The following SVOPL variants were observed in gnomAD, a reference collection of about 807,000 sequenced individuals.
SVOPL encodes the protein SVOP like, also known as putative transporter SVOPL.
In SVOPL, 60 loss-of-function variants were observed where a neutral mutation model predicts 61.0. The observed-to-expected ratio is 0.98, with a 90% confidence interval of 0.80 to 1.22. SVOPL has a LOEUF of 1.22. SVOPL is among the 50% of genes most tolerant of loss of function. The pLI, the probability that SVOPL is intolerant of heterozygous loss-of-function variation, is 0.00. For missense variants in SVOPL, 662 were observed against 643.9 expected (o/e 1.03, Z -0.30); for synonymous variants, 279 against 250.0 (o/e 1.12, Z -1.09).
intron 14 of SVOPL, among the ~76,000 whole-genome samples, chr7:138,600,363 T>A (rs897919734): frequency 6.6e-6 from 1 of 152,170 alleles, no homozygotes; most frequent in Non-Finnish European, 1.5e-5. Flanking sequence ...TTTGGGCAGC[T>A]GAGCTGGGAG....
intron 1 of SVOPL, among the ~76,000 whole-genome samples, chr7:138,686,028 T>C (rs1456349217): frequency 6.6e-6 from 1 of 152,136 alleles, no homozygotes; most frequent in Admixed American, 6.5e-5. Context: ...TTTATGTCAT[T>C]CATGTCTCAA....
intron 14 of SVOPL, among the ~76,000 whole-genome samples, chr7:138,613,191 T>C (rs1799131158): frequency 6.6e-6 from 1 of 151,948 alleles, no homozygotes; most frequent in Non-Finnish European, 1.5e-5. Flanking sequence ...GGCTAATTTT[T>C]GTATTTTTAG....
chr7:138,655,995 T>C (rs1467231432), intron 7 of SVOPL, among the ~76,000 whole-genome samples: 1 of 152,138 alleles, frequency 6.6e-6, no homozygotes, highest in Non-Finnish European at 1.5e-5. Flanking sequence ...AGAGAAATCT[T>C]TCAGGAAAAG....
chr7:138,620,090 GTTTT>G (rs148326720), intron 14 of SVOPL, among the ~76,000 whole-genome samples: 1 of 120,304 alleles, frequency 8.3e-6, no homozygotes, highest in African/African-American at 3.1e-5. Flanking sequence ...GTGGATTTCT[GTTTT>G]TTTTTTCTTT....
intron 7 of SVOPL, among the ~76,000 whole-genome samples, chr7:138,652,213 A>T (rs6966202): frequency 0.013 from 1,969 of 151,956 alleles, 42 homozygotes; most frequent in African/African-American, 0.044. Flanking sequence ...CACCACACCA[A>T]GCTAATTTTT....
At chr7:138,698,973 A>G (rs1476879731) in intron 1 of SVOPL, among the ~76,000 whole-genome samples, 1 of 152,216 alleles carries the variant, frequency 6.6e-6, no homozygotes, top group African/African-American at 2.4e-5. Flanking sequence ...GAACACGGTG[A>G]AACCTCATCT....
intron 14 of SVOPL, among the ~76,000 whole-genome samples, chr7:138,604,968 C>A (rs1798687592): frequency 6.6e-6 from 1 of 151,760 alleles, no homozygotes; most frequent in African/African-American, 2.4e-5. Context: ...GTAATCCCAG[C>A]ACTTTGGGAG....
At chr7:138,671,871 G>A (rs982726706) in intron 4 of SVOPL, 148 bp downstream of exon 4, 13 of 652,888 alleles carry the variant, frequency 2.0e-5, no homozygotes, top group South Asian at 1.8e-4. Context: ...AAAAGGTGAC[G>A]AAGACATCAA....
intron 14 of SVOPL, among the ~76,000 whole-genome samples, chr7:138,619,561 TAAAAAAAAAAAAAA>T (rs11440977): frequency 3.3e-5 from 2 of 60,302 alleles, no homozygotes; most frequent in Non-Finnish European, 6.1e-5. Context: ...TCTCAGATGT[TAAAAAAAAAAAAAA>T]AAAAAAAAAA....
intron 14 of SVOPL, among the ~76,000 whole-genome samples, chr7:138,620,219 C>T (rs1799499762): frequency 1.4e-5 from 2 of 142,030 alleles, no homozygotes; most frequent in Non-Finnish European, 3.0e-5. Context: ...CTCCCGGGTT[C>T]GAGTGATTCT....
At chr7:138,693,048 A>G (rs1301205032) in intron 1 of SVOPL, among the ~76,000 whole-genome samples, 1 of 152,204 alleles carries the variant, frequency 6.6e-6, no homozygotes, top group Non-Finnish European at 1.5e-5. Context: ...AACTAAAGAT[A>G]CCTATAACAT....
chr7:138,645,489 C>G (rs1474030431), intron 8 of SVOPL, among the ~76,000 whole-genome samples: 1 of 152,050 alleles, frequency 6.6e-6, no homozygotes, highest in African/African-American at 2.4e-5. Context: ...CAGTTTGGGT[C>G]CCCCTGTTGG....
At chr7:138,602,866 G>A (rs987500579) in intron 14 of SVOPL, among the ~76,000 whole-genome samples, 14 of 151,938 alleles carry the variant, frequency 9.2e-5, no homozygotes, top group Non-Finnish European at 1.0e-4. Flanking sequence ...GTGTGTGTTC[G>A]TGTCATCAGT....
At chr7:138,607,104 G>A (rs1045319700) in intron 14 of SVOPL, among the ~76,000 whole-genome samples, 1 of 151,984 alleles carries the variant, frequency 6.6e-6, no homozygotes, top group African/African-American at 2.4e-5. Flanking sequence ...GCTCACAGCA[G>A]GGAGGCCAGA....
intron 3 of SVOPL, among the ~76,000 whole-genome samples, chr7:138,673,736 C>T (rs1802486440): frequency 6.6e-6 from 1 of 152,204 alleles, no homozygotes; most frequent in Non-Finnish European, 1.5e-5. Context: ...CACCAAGATG[C>T]CACTCCTCTA....
At chr7:138,627,518 G>C (rs1054864077) in intron 11 of SVOPL, 57 bp from the exon 12 acceptor site, 4 of 1,249,022 alleles carry the variant, frequency 3.2e-6, no homozygotes, top group Non-Finnish European at 4.7e-6. Flanking sequence ...GTGGCATATT[G>C]CAACACTGGC....
chr7:138,655,522 A>G (rs1019024467), intron 7 of SVOPL, among the ~76,000 whole-genome samples: 2 of 151,836 alleles, frequency 1.3e-5, no homozygotes, highest in Non-Finnish European at 1.5e-5. Flanking sequence ...TAAAATAAAA[A>G]TATCAGAGCC....
At chr7:138,648,560 TAGTC>T (rs1332747460) in intron 8 of SVOPL, among the ~76,000 whole-genome samples, 73 of 140,136 alleles carry the variant, frequency 5.2e-4, no homozygotes, top group Middle Eastern at 3.8e-3. Flanking sequence ...AAAAAAAAAT[TAGTC>T]AGGCGCGGTG....
chr7:138,686,350 T>G (rs373897572), intron 1 of SVOPL, among the ~76,000 whole-genome samples: 9 of 141,944 alleles, frequency 6.3e-5, no homozygotes, highest in East Asian at 2.2e-4. Context: ...AGGTTGCAGT[T>G]AGCCGAGATC....
Sources: allele counts gnomAD v4.1 joint callset (sites outside exome capture counted in the v4.1 genomes callset), GRCh38; gene constraint gnomAD v4.1.1; transcripts MANE v1.5; gene names NCBI Gene and HGNC (gene_info 2026-07-23, HGNC 2026-07-21).